The following DPPA4 variants were observed in gnomAD, a reference collection of about 807,000 sequenced individuals.
DPPA4 encodes developmental pluripotency-associated protein 4.
Under a neutral mutation model 33.7 loss-of-function variants are expected in DPPA4, and 22 were observed. The ratio of observed to expected loss-of-function variants is 0.65; its 90% CI spans 0.47 to 0.93. DPPA4 has a LOEUF of 0.93. Among genes scored for constraint, DPPA4 ranks in the 40% least tolerant of loss-of-function variants. The pLI is 0.00. For synonymous variants in DPPA4, 156 were observed against 132.3 expected (o/e 1.18, Z -1.23); for missense variants, 340 against 358.6 (o/e 0.95, Z 0.42).
intron 5 of DPPA4, 151 bp downstream of exon 5, chr3:109,330,373 C>A (rs1708041082): frequency 1.2e-6 from 1 of 805,584 alleles, no homozygotes; most frequent in Non-Finnish European, 2.1e-6. Context: ...TCAGGTCCTG[C>A]CCTAGACCTG....
At chr3:109,329,927 G>T (rs543529373) in intron 5 of DPPA4, 2 of 153,808 alleles carry the variant, frequency 1.3e-5, no homozygotes, top group African/African-American at 4.8e-5. Flanking sequence ...CCCTTCTGAT[G>T]CCATCAATAA....
chr3:109,329,539 G>GCAAAA (rs1229635742), intron 5 of DPPA4: 2 of 160,138 alleles, frequency 1.2e-5, no homozygotes, highest in Middle Eastern at 3.3e-3. Context: ...CATATCAAAA[G>GCAAAA]CAAAACAAAA....
rs1449507529 is a variant in DPPA4, at chr3:109,337,467, C to T, written c.51G>A (p.Lys17=). Residue 17 remains lysine, a synonymous_variant, in exon 1 of 7, where the codon AAG becomes AAA. Coordinates refer to ENST00000335658, the MANE Select transcript of DPPA4 (RefSeq NM_018189.4). ...AATCCACTAAAACTGTACTGACCTC[C>T]TTGCCTTTTGCCTTCTCCATACTTG... is the stretch of plus-strand genomic sequence containing the variant. ...SSTSMEKAKG[K]EWTSTEKSRE... 3 of 1,614,048 alleles carry T rather than the reference C, an allele frequency of 1.9e-6. No individual in the cohort carries two copies. In the Admixed American group the frequency reaches 5.0e-5, roughly 27 times the overall value.
intron 4 of DPPA4, among the ~76,000 whole-genome samples, chr3:109,331,228 T>C (rs1440591316): frequency 1.8e-5 from 2 of 110,178 alleles, no homozygotes; most frequent in African/African-American, 3.6e-5. Flanking sequence ...CAGCCTGAAC[T>C]GCAGCCTAAG....
intron 5 of DPPA4, 82 bp downstream of exon 5, chr3:109,330,442 T>C (rs1169422423): frequency 5.9e-6 from 9 of 1,526,840 alleles, no homozygotes; most frequent in African/African-American, 1.4e-5. Flanking sequence ...GATTTTGATA[T>C]ACCCTAAAAT....
At chr3:109,339,084 A>G (rs56053132), upstream of DPPA4, among the ~76,000 whole-genome samples, 1 of 146,258 alleles carries the variant, frequency 6.8e-6, no homozygotes, top group African/African-American at 2.8e-5. Context: ...CCAGCTACCA[A>G]GGAGGTTGAG....
At chr3:109,339,633 G>A (rs1250528619), upstream of DPPA4, among the ~76,000 whole-genome samples, 3 of 151,776 alleles carry the variant, frequency 2.0e-5, no homozygotes, top group Non-Finnish European at 2.9e-5. Flanking sequence ...TGGCGCAGGG[G>A]TGCCAGCTAC....
intron 1 of DPPA4, among the ~76,000 whole-genome samples, chr3:109,334,209 A>T (rs1416228916): frequency 6.6e-6 from 1 of 152,218 alleles, no homozygotes; most frequent in East Asian, 1.9e-4. Flanking sequence ...TTGAAAGCAC[A>T]TGAAAAGACA....
At chr3:109,333,463 C>G (rs1168789277) in intron 2 of DPPA4, 1 of 185,130 alleles carries the variant, frequency 5.4e-6, no homozygotes, top group Non-Finnish European at 1.1e-5. Context: ...CTTAACTACT[C>G]TATGTAAATT....
chr3:109,336,885 C>T (rs1423512145), intron 1 of DPPA4, among the ~76,000 whole-genome samples: 2 of 152,110 alleles, frequency 1.3e-5, no homozygotes, highest in Non-Finnish European at 2.9e-5. Flanking sequence ...AAAACACAAA[C>T]CTGAAAACCT....
chr3:109,331,576 G>GA (rs1427335141), intron 4 of DPPA4, among the ~76,000 whole-genome samples, 158 bp downstream of exon 4: 106 of 138,504 alleles, frequency 7.7e-4, no homozygotes, highest in Non-Finnish European at 8.2e-4. Flanking sequence ...AAGAAAGAAA[G>GA]AAAGAAAAAA....
Position 109,333,875 on chromosome 3 carries a change from C to T in DPPA4, c.173G>A (p.Ser58Asn), listed in dbSNP as rs2107348895. The T allele has an allele frequency of 1.2e-6, 2 of 1,614,004 alleles. No individual in the cohort carries two copies. The highest frequency in any genetic ancestry group is 2.2e-5 in the South Asian group (2 of 91,060). ...RTKEKMSIKG[S>N]KVLCPKKKAE... ...AGAATTTGAAGACCTCTTACCTTTA[C>T]TGCCTTTGATAGACATTTTTTCTTT... is the stretch of plus-strand genomic sequence containing the variant. The change falls in exon 2 of 7, where the codon AGT becomes AAT. Residue 58 changes from serine to asparagine, a missense_variant. By Grantham distance (46) the Ser-to-Asn change is conservative. Around this residue, in one of 3 missense-constraint regions of DPPA4, gnomAD observed 96 missense variants for 91.8 expected, o/e 1.05. Transcript: ENST00000335658.
rs1482489746 is a variant in DPPA4, at chr3:109,326,569, A to G, written c.*1419T>C. ...CTCCTTCCAGTGCATTATTTTTAGT[A>G]TCTTCATTAAACGGGCAAAAAAAAA... is the stretch of plus-strand genomic sequence containing the variant. On this transcript the variant is annotated 3_prime_UTR_variant, in exon 7 of 7. Transcript: ENST00000335658. The G allele has an allele frequency of 1.3e-5, 2 of 150,970 alleles. No individual in the cohort carries two copies. The highest frequency in any genetic ancestry group is 2.5e-5 in the African/African-American group (1 of 40,320). The allele number at this position is 150,970 out of a possible 1,614,324, so 9.4% of individuals were successfully genotyped here.
chr3:109,330,923 A>AAG, intron 4 of DPPA4, 111 bp from the exon 5 acceptor site: 2 of 986,104 alleles, frequency 2.0e-6, no homozygotes, highest in Non-Finnish European at 3.0e-6. Context: ...GACTAGGTTC[A>AAG]AGAGATCTAT....
At chr3:109,330,963 T>A (rs1708058491) in intron 4 of DPPA4, 151 bp from the exon 5 acceptor site, 1 of 799,644 alleles carries the variant, frequency 1.3e-6, no homozygotes, top group Admixed American at 3.0e-5. Context: ...ACATAGTTAA[T>A]AACAATGTAC....
intron 4 of DPPA4, 111 bp from the exon 5 acceptor site, chr3:109,330,923 A>G: frequency 1.0e-6 from 1 of 986,104 alleles, no homozygotes; most frequent in Non-Finnish European, 1.5e-6. Context: ...GACTAGGTTC[A>G]AGAGATCTAT....
chr3:109,339,363 C>T (rs1708270503), upstream of DPPA4, among the ~76,000 whole-genome samples: 2 of 152,120 alleles, frequency 1.3e-5, no homozygotes, highest in South Asian at 2.1e-4. Context: ...TTTGTTTTCT[C>T]ATCCATGAAA....
upstream of DPPA4, chr3:109,337,572 T>G (rs866357572): frequency 1.3e-6 from 2 of 1,547,278 alleles, no homozygotes; most frequent in Middle Eastern, 3.4e-4. Flanking sequence ...TCCTCCCACT[T>G]CCTGCCGCCC....
Position 109,329,017 on chromosome 3 carries a change from G to C in DPPA4, c.751C>G (p.His251Asp). Reference sequence around the variant, plus strand: ...TCTGGAACCCAGGCTTGACCAGCATGAAACTGCAGGTGAACCCAACCATCT... The same window carrying C: ...TCTGGAACCCAGGCTTGACCAGCATCAAACTGCAGGTGAACCCAACCATCT... ...DTDGWVHLQFHAGQAWVPEKQ... is the reference protein window; with the variant it reads ...DTDGWVHLQFDAGQAWVPEKQ... The change falls in exon 6 of 7, where the codon CAT (histidine) becomes GAT (aspartate). Residue 251 changes from histidine to aspartate, a missense_variant. By Grantham distance (81) the His-to-Asp change is moderately conservative. Transcript: ENST00000335658. 1.9e-6 allele frequency: 3 copies of C among 1,614,102 alleles called. No individual in the cohort carries two copies. The highest frequency in any genetic ancestry group is 1.7e-6 in the Non-Finnish European group (2 of 1,180,024).
Sources: gnomAD v4.1 joint callset for allele counts (sites outside exome capture counted in the v4.1 genomes callset) on GRCh38, gnomAD v4.1.1 for gene constraint, gnomAD v4.1.1 regional missense constraint, MANE v1.5 for transcripts, NCBI Gene and HGNC (gene_info 2026-07-23, HGNC 2026-07-21) for gene names.